NRG3: variants seen among roughly 807,000 people sequenced by gnomAD.
NRG3 encodes neuregulin 3.
NRG3 carries 31 observed loss-of-function variants against 66.9 expected under a neutral mutation model. The observed-to-expected ratio is 0.46, with a 90% CI of 0.35 to 0.63. The LOEUF (loss-of-function observed/expected upper bound fraction) is 0.63. NRG3 is among the 20% of genes least tolerant of loss of function. The pLI is 0.00. For missense variants in NRG3, 910 were observed against 878.9 expected (o/e 1.04, Z -0.45); for synonymous variants, 393 against 359.4 (o/e 1.09, Z -1.06).
At chr10:82,706,993 CA>C (rs200718701) in intron 2 of NRG3, among the ~76,000 whole-genome samples, 62 of 123,300 alleles carry the variant, frequency 5.0e-4, no homozygotes, top group African/African-American at 1.4e-3. Flanking sequence ...GACTCCATCT[CA>C]AAAAAAAAAA....
chr10:82,017,915 T>C (rs1233778098), intron 1 of NRG3, among the ~76,000 whole-genome samples: 1 of 152,208 alleles, frequency 6.6e-6, no homozygotes, highest in Non-Finnish European at 1.5e-5. Flanking sequence ...TGGCAGTTTC[T>C]TTTGCTGTGC....
chr10:82,917,899 G>A (rs898861224), intron 4 of NRG3, among the ~76,000 whole-genome samples: 7 of 148,112 alleles, frequency 4.7e-5, no homozygotes, highest in African/African-American at 1.8e-4. Context: ...CCTTTATATT[G>A]GATTAAAATT....
chr10:82,017,469 G>A (rs11192182), intron 1 of NRG3, among the ~76,000 whole-genome samples: 80,070 of 151,804 alleles, frequency 0.53, 21,221 homozygotes, highest in Admixed American at 0.63. Context: ...TGGGATGGCT[G>A]GGTCAAATAG....
intron 1 of NRG3, among the ~76,000 whole-genome samples, chr10:81,987,995 T>G (rs1564715234): frequency 6.6e-6 from 1 of 152,184 alleles, no homozygotes; most frequent in African/African-American, 2.4e-5. Flanking sequence ...CACTTTTTGG[T>G]TATTGTTGGA....
At chr10:82,233,290 G>A (rs765812008) in intron 1 of NRG3, among the ~76,000 whole-genome samples, 9 of 152,078 alleles carry the variant, frequency 5.9e-5, no homozygotes, top group Non-Finnish European at 8.8e-5. Context: ...GTGTGTACCC[G>A]GGAGGCGGAG....
chr10:82,103,822 G>C (rs1218992980), intron 1 of NRG3, among the ~76,000 whole-genome samples: 5 of 151,868 alleles, frequency 3.3e-5, no homozygotes, highest in Admixed American at 2.6e-4. Flanking sequence ...ATCATCACAG[G>C]AGTGCATTCT....
intron 1 of NRG3, among the ~76,000 whole-genome samples, chr10:82,148,150 T>G (rs980395915): frequency 5.3e-5 from 8 of 152,124 alleles, no homozygotes; most frequent in African/African-American, 1.9e-4. Flanking sequence ...AAAACTTAGA[T>G]TCCTAGAATT....
chr10:82,254,045 C>G (rs1196707925), intron 1 of NRG3, among the ~76,000 whole-genome samples: 2 of 152,206 alleles, frequency 1.3e-5, no homozygotes, highest in Non-Finnish European at 2.9e-5. Flanking sequence ...ACGAAGCCCC[C>G]TCTACCCCTG....
intron 2 of NRG3, among the ~76,000 whole-genome samples, chr10:82,553,697 C>T (rs2044473224): frequency 6.6e-6 from 1 of 152,130 alleles, no homozygotes; most frequent in Non-Finnish European, 1.5e-5. Context: ...CAGAGAATAA[C>T]TCACGGAAGT....
At chr10:82,715,683 G>A (rs2056927051) in intron 2 of NRG3, among the ~76,000 whole-genome samples, 1 of 152,172 alleles carries the variant, frequency 6.6e-6, no homozygotes, top group Non-Finnish European at 1.5e-5. Context: ...AAACGAATTT[G>A]TGTCAAATCT....
intron 4 of NRG3, among the ~76,000 whole-genome samples, chr10:82,901,203 T>C (rs762092609): frequency 4.6e-5 from 7 of 152,236 alleles, no homozygotes; most frequent in Non-Finnish European, 1.0e-4. Context: ...ATTTATATTC[T>C]CAAAAATATA....
At chr10:82,113,236 GTT>G (rs1474494864) in intron 1 of NRG3, among the ~76,000 whole-genome samples, 3 of 152,104 alleles carry the variant, frequency 2.0e-5, no homozygotes, top group Admixed American at 6.6e-5. Context: ...GATGGGAACT[GTT>G]TTACAGGTGA....
At chr10:81,897,728 C>T (rs887823825) in intron 1 of NRG3, among the ~76,000 whole-genome samples, 2 of 152,194 alleles carry the variant, frequency 1.3e-5, no homozygotes, top group East Asian at 3.9e-4. Flanking sequence ...AGGGAATAGA[C>T]ATCTATTGAA....
intron 2 of NRG3, among the ~76,000 whole-genome samples, chr10:82,694,346 G>A (rs1028433487): frequency 3.3e-5 from 5 of 152,214 alleles, no homozygotes; most frequent in African/African-American, 1.2e-4. Context: ...CTCTCAAAAT[G>A]ATATAGGTTT....
At chr10:82,335,148 A>G (rs183946875) in intron 1 of NRG3, among the ~76,000 whole-genome samples, 13 of 152,328 alleles carry the variant, frequency 8.5e-5, no homozygotes, top group African/African-American at 3.1e-4. Context: ...CAGACTGAGA[A>G]TGCTTAAGAG....
chr10:82,325,282 A>G (rs952880212), intron 1 of NRG3, among the ~76,000 whole-genome samples: 3 of 151,940 alleles, frequency 2.0e-5, no homozygotes, highest in Admixed American at 1.3e-4. Flanking sequence ...CCTGGGCTCA[A>G]GAGATTCTGC....
chr10:82,338,991 C>T (rs1250505620), intron 1 of NRG3, among the ~76,000 whole-genome samples: 1 of 152,154 alleles, frequency 6.6e-6, no homozygotes, highest in East Asian at 1.9e-4. Flanking sequence ...ATGACACCAA[C>T]ACTGCCATGA....
chr10:82,740,685 A>G (rs1027903424), intron 3 of NRG3, among the ~76,000 whole-genome samples: 10 of 151,594 alleles, frequency 6.6e-5, no homozygotes, highest in Non-Finnish European at 7.4e-5. Context: ...TTAGCCTGGT[A>G]TGGTGGCAAG....
At chr10:82,758,174 C>A (rs1416980205) in intron 3 of NRG3, among the ~76,000 whole-genome samples, 2 of 152,170 alleles carry the variant, frequency 1.3e-5, no homozygotes, top group South Asian at 4.1e-4. Context: ...TGAGGTTGAC[C>A]TTTATGCTCC....
Sources: gnomAD v4.1 joint callset for allele counts (sites outside exome capture counted in the v4.1 genomes callset) on GRCh38, gnomAD v4.1.1 for gene constraint, MANE v1.5 for transcripts, NCBI Gene and HGNC (gene_info 2026-07-23, HGNC 2026-07-21) for gene names.